KLHL1: variants seen among roughly 807,000 people sequenced by gnomAD.
The protein encoded by KLHL1 is kelch like family member 1.
Under a neutral mutation model 77.7 loss-of-function variants are expected in KLHL1, and 47 were observed. The ratio of observed to expected loss-of-function variants is 0.60; its 90% CI spans 0.48 to 0.77. The LOEUF (loss-of-function observed/expected upper bound fraction) is 0.77. Ranked by LOEUF, KLHL1 falls within the 30% of genes least tolerant of loss-of-function variation. The pLI is 0.00. For missense variants in KLHL1, 925 were observed against 910.8 expected (o/e 1.02, Z -0.20); for synonymous variants, 360 against 325.2 (o/e 1.11, Z -1.15).
intron 1 of KLHL1, among the ~76,000 whole-genome samples, chr13:69,985,862 A>G (rs1884853775): frequency 1.2e-5 from 1 of 81,436 alleles, no homozygotes; most frequent in Non-Finnish European, 3.1e-5. Context: ...ATATATACAT[A>G]GTATTCCACT....
chr13:69,839,177 C>G lies in KLHL1; in HGVS notation c.1228-15G>C, dbSNP rs1879145077. The G allele has an allele frequency of 6.6e-7, 1 of 1,515,990 alleles. No individual in the cohort carries two copies. The highest frequency in any genetic ancestry group is 1.4e-5 in the African/African-American group (1 of 71,524). The allele number at this position is 1,515,990 out of a possible 1,614,324, so 93.9% of individuals were successfully genotyped here. On this transcript the variant is annotated splice_polypyrimidine_tract_variant and intron_variant, in intron 5 of 10. Transcript: ENST00000377844. ...TCAGCCAATATCTGTGAATAATACA[C>G]AATAGCTGTTAATAATGTTTTCAAA...
At position 70,037,503 on chromosome 13, in the gene KLHL1, T is replaced by C. The variant is rs181932654; in HGVS notation, c.498-61701A>G. Among the ~76,000 whole-genome samples the C allele has an allele frequency of 3.3e-5, 5 of 152,242 alleles. No homozygotes were observed. In the East Asian group the frequency reaches 9.6e-4, roughly 29 times the overall value. On this transcript the variant is annotated intron_variant, in intron 1 of 10. Transcript: ENST00000377844. ...GGCTTTATTTCAATATGACTTTCTT[T>C]TCACTTATTTTATTTGTAATTTGTT...
intron 1 of KLHL1, among the ~76,000 whole-genome samples, chr13:70,034,896 GA>G (rs1886200617): frequency 6.6e-6 from 1 of 152,008 alleles, no homozygotes; most frequent in African/African-American, 2.4e-5. Context: ...ACGTGTATTT[GA>G]AAATAAATGT....
At chr13:70,065,431 C>T (rs1414335849) in intron 1 of KLHL1, among the ~76,000 whole-genome samples, 1 of 151,980 alleles carries the variant, frequency 6.6e-6, no homozygotes, top group Admixed American at 6.6e-5. Flanking sequence ...AGGGAAAGCA[C>T]AATAGAGTGG....
intron 6 of KLHL1, among the ~76,000 whole-genome samples, 200 bp downstream of exon 6, chr13:69,838,776 G>GAAATGAAT (rs1321985636): frequency 1.4e-4 from 21 of 151,944 alleles, no homozygotes; most frequent in African/African-American, 4.3e-4. Context: ...ATAAGCACAA[G>GAAATGAAT]AAATGAATAA....
intron 3 of KLHL1, among the ~76,000 whole-genome samples, chr13:69,948,063 T>C (rs1883585540): frequency 6.6e-6 from 1 of 152,068 alleles, no homozygotes; most frequent in Non-Finnish European, 1.5e-5. Flanking sequence ...AGTCAATGTT[T>C]CTAACAAAAG....
intron 6 of KLHL1, among the ~76,000 whole-genome samples, chr13:69,816,997 A>T (rs4363753): frequency 0.32 from 48,037 of 151,514 alleles, 7,938 homozygotes; most frequent in Non-Finnish European, 0.36. Context: ...TAAATATAAT[A>T]AAAAAAGCTT....
chr13:69,824,369 T>G (rs7324914), intron 6 of KLHL1, among the ~76,000 whole-genome samples: 1,667 of 152,122 alleles, frequency 0.011, 25 homozygotes, highest in African/African-American at 0.038. Flanking sequence ...TCCCAAAAAG[T>G]AAGATGATAT....
intron 6 of KLHL1, among the ~76,000 whole-genome samples, chr13:69,833,497 A>G (rs1053503984): frequency 6.6e-6 from 1 of 152,008 alleles, no homozygotes; most frequent in African/African-American, 2.4e-5. Flanking sequence ...ACACTTTTAC[A>G]CTGCTGGTGG....
At chr13:69,847,250 T>C (rs1460952413) in intron 5 of KLHL1, among the ~76,000 whole-genome samples, 1 of 151,316 alleles carries the variant, frequency 6.6e-6, no homozygotes, top group Non-Finnish European at 1.5e-5. Flanking sequence ...CCAGAAAACA[T>C]TTACATTATA....
At chr13:69,953,186 C>T (rs572377192) in intron 3 of KLHL1, among the ~76,000 whole-genome samples, 29 of 151,286 alleles carry the variant, frequency 1.9e-4, no homozygotes, top group African/African-American at 4.1e-4. Flanking sequence ...ATTATGAATG[C>T]GCAAGTCTGA....
At chr13:69,816,616 C>T (rs889754194) in intron 6 of KLHL1, among the ~76,000 whole-genome samples, 2 of 152,084 alleles carry the variant, frequency 1.3e-5, no homozygotes, top group Non-Finnish European at 2.9e-5. Flanking sequence ...ATAAATATTT[C>T]TTAGCGCTAT....
At chr13:69,753,529 G>T (rs1874576924) in intron 7 of KLHL1, among the ~76,000 whole-genome samples, 1 of 152,196 alleles carries the variant, frequency 6.6e-6, no homozygotes, top group East Asian at 1.9e-4. Flanking sequence ...ACAGATGGGA[G>T]ACAAATCATA....
At chr13:70,057,830 A>G (rs1329590696) in intron 1 of KLHL1, among the ~76,000 whole-genome samples, 9 of 151,486 alleles carry the variant, frequency 5.9e-5, no homozygotes, top group Non-Finnish European at 1.3e-4. Context: ...AAAAACAAAG[A>G]AAAGGCCAAT....
chr13:69,755,589 G>C (rs972336950), intron 7 of KLHL1, among the ~76,000 whole-genome samples: 9 of 151,900 alleles, frequency 5.9e-5, no homozygotes, highest in African/African-American at 2.2e-4. Flanking sequence ...AATTAGTAGA[G>C]ATATTATTTT....
intron 6 of KLHL1, among the ~76,000 whole-genome samples, chr13:69,821,807 A>T (rs1182033359): frequency 6.6e-6 from 1 of 152,180 alleles, no homozygotes; most frequent in Non-Finnish European, 1.5e-5. Context: ...TAATCATCAC[A>T]TAAACTATTT....
intron 1 of KLHL1, among the ~76,000 whole-genome samples, chr13:70,047,845 C>T (rs1332939869): frequency 6.6e-6 from 1 of 152,088 alleles, no homozygotes; most frequent in African/African-American, 2.4e-5. Flanking sequence ...TAAAAGGTAG[C>T]ATGAAGAAAC....
At chr13:70,026,704 GT>G (rs1593684895) in intron 1 of KLHL1, among the ~76,000 whole-genome samples, 40 of 1,476 alleles carry the variant, frequency 0.027, no homozygotes, top group East Asian at 0.18. Flanking sequence ...AGAACTTAGG[GT>G]GTGTGTGTGT....
At chr13:69,899,859 T>A (rs1241086848) in intron 4 of KLHL1, among the ~76,000 whole-genome samples, 3 of 152,056 alleles carry the variant, frequency 2.0e-5, no homozygotes, top group East Asian at 1.9e-4. Context: ...GTAGACAGAA[T>A]AATTTGTACT....
Sources: gnomAD v4.1 joint callset for allele counts (sites outside exome capture counted in the v4.1 genomes callset) on GRCh38, gnomAD v4.1.1 for gene constraint, MANE v1.5 for transcripts, NCBI Gene and HGNC (gene_info 2026-07-23, HGNC 2026-07-21) for gene names.